Variants in SGIP1 observed in about 807,000 individuals in gnomAD.
The protein encoded by SGIP1 is SH3GL interacting endocytic adaptor 1.
Under a neutral mutation model 107.5 loss-of-function variants are expected in SGIP1, and 38 were observed. That is an observed-to-expected ratio of 0.35 (90% CI 0.27 to 0.46). SGIP1 has a LOEUF of 0.46. SGIP1 is among the 20% of genes least tolerant of loss of function. The pLI is 1.00. For synonymous variants in SGIP1, 365 were observed against 366.1 expected (o/e 1.00, Z 0.03); for missense variants, 929 against 1,019.5 (o/e 0.91, Z 1.21).
chr1:66,593,218 C>T (rs11810679), intron 1 of SGIP1, among the ~76,000 whole-genome samples: 7,739 of 152,004 alleles, frequency 0.051, 603 homozygotes, highest in African/African-American at 0.17. Flanking sequence ...TGGTTGTTTC[C>T]AAGTTTGGGC....
intron 1 of SGIP1, among the ~76,000 whole-genome samples, chr1:66,578,235 T>C (rs1018597673): frequency 2.9e-5 from 4 of 137,336 alleles, no homozygotes; most frequent in African/African-American, 8.9e-5. Context: ...CTGGAGATTC[T>C]GAGTCAGGAT....
At chr1:66,636,113 T>C in intron 4 of SGIP1, 98 bp downstream of exon 4, 2 of 1,169,166 alleles carry the variant, frequency 1.7e-6, no homozygotes, top group Non-Finnish European at 1.2e-6. Flanking sequence ...AGTTTTCATT[T>C]ACTCCATTTA....
At chr1:66,601,238 G>A (rs1405188392) in intron 1 of SGIP1, among the ~76,000 whole-genome samples, 4 of 151,974 alleles carry the variant, frequency 2.6e-5, no homozygotes, top group Non-Finnish European at 4.4e-5. Flanking sequence ...GGTGGCGGGC[G>A]CCTGTAGTCC....
chr1:66,642,595 A>T (rs1384831548), intron 5 of SGIP1, among the ~76,000 whole-genome samples: 2 of 152,088 alleles, frequency 1.3e-5, no homozygotes, highest in East Asian at 3.9e-4. Flanking sequence ...TTGACAGTTG[A>T]TTCCTCCTCG....
chr1:66,639,477 G>T (rs1370107190), intron 4 of SGIP1, among the ~76,000 whole-genome samples: 1 of 152,136 alleles, frequency 6.6e-6, no homozygotes, highest in African/African-American at 2.4e-5. Context: ...TACAATAAAG[G>T]TGCTGCTAAT....
At chr1:66,709,546 A>T (rs144103540) in intron 18 of SGIP1, among the ~76,000 whole-genome samples, 122 of 152,296 alleles carry the variant, frequency 8.0e-4, no homozygotes, top group African/African-American at 2.7e-3. Context: ...TAAATGATGC[A>T]TTATGTGTAA....
At position 66,747,142 on chromosome 1, in the gene SGIP1, C is replaced by T. The variant is rs1057265547; in HGVS notation, c.*4047C>T. On this transcript the variant is annotated 3_prime_UTR_variant, in exon 25 of 25. Transcript: ENST00000371037. Reference sequence around the variant, plus strand: ...GGAAACATGTATAATCAAGTTCATACAAGCTATACACAGTAGGCATCGATA... The same window carrying T: ...GGAAACATGTATAATCAAGTTCATATAAGCTATACACAGTAGGCATCGATA... 13 of 152,092 alleles carry T rather than the reference C, an allele frequency of 8.5e-5. No individual in the cohort carries two copies. The highest frequency in any genetic ancestry group is 3.1e-4 in the African/African-American group (13 of 41,454). 9.4% of individuals were successfully genotyped at this position (152,092 alleles called of 1,614,324 possible). A position where few individuals can be genotyped will look rare whatever the true frequency, so the allele number is the denominator to read the frequency against.
At chr1:66,612,554 A>G (rs1272771179) in intron 1 of SGIP1, among the ~76,000 whole-genome samples, 1 of 152,224 alleles carries the variant, frequency 6.6e-6, no homozygotes, top group Non-Finnish European at 1.5e-5. Context: ...CTCTCAACTA[A>G]AATGGTAATA....
intron 1 of SGIP1, among the ~76,000 whole-genome samples, chr1:66,613,433 A>T (rs2068474621): frequency 6.6e-6 from 1 of 152,132 alleles, no homozygotes; most frequent in Non-Finnish European, 1.5e-5. Context: ...GGGCTCAAGG[A>T]ATACTCCCAC....
At chr1:66,739,022 T>C (rs937852130) in intron 21 of SGIP1, among the ~76,000 whole-genome samples, 6 of 151,342 alleles carry the variant, frequency 4.0e-5, no homozygotes, top group Admixed American at 4.0e-4. Flanking sequence ...GTAAGTAGAG[T>C]TGCAGAATCA....
At chr1:66,677,338 C>T (rs1362581486) in intron 13 of SGIP1, among the ~76,000 whole-genome samples, 3 of 152,160 alleles carry the variant, frequency 2.0e-5, no homozygotes, top group Non-Finnish European at 2.9e-5. Context: ...TTTCTGAAAT[C>T]CCACATGCTT....
Position 66,689,368 on chromosome 1 carries a change from G to A in SGIP1, c.1443+93G>A, listed in dbSNP as rs908318046. ...TCAGGTCTAAGCGTTTAGAGAACTC[G>A]TACAAACAACCCTGACAGGTGGCAT... is the stretch of plus-strand genomic sequence containing the variant. On this transcript the variant is annotated intron_variant, in intron 16 of 24. Transcript: ENST00000371037. 3.3e-5 allele frequency: 49 copies of A among 1,467,760 alleles called. No homozygotes were observed. The Middle Eastern group carries it at 5.6e-4, about 17-fold the overall frequency. The allele number at this position is 1,467,760 out of a possible 1,614,324, so 90.9% of individuals were successfully genotyped here.
At chr1:66,550,512 T>G (rs2057246753) in intron 1 of SGIP1, among the ~76,000 whole-genome samples, 1 of 152,082 alleles carries the variant, frequency 6.6e-6, no homozygotes. Context: ...AGACTGAGAA[T>G]AACATTATCC....
intron 15 of SGIP1, among the ~76,000 whole-genome samples, chr1:66,685,045 T>C (rs1274570629): frequency 6.6e-6 from 1 of 152,238 alleles, no homozygotes; most frequent in Non-Finnish European, 1.5e-5. Flanking sequence ...TAATCTTTTA[T>C]TGGTGGAACA....
At chr1:66,635,347 T>C (rs2075572571) in intron 3 of SGIP1, among the ~76,000 whole-genome samples, 1 of 152,216 alleles carries the variant, frequency 6.6e-6, no homozygotes, top group Non-Finnish European at 1.5e-5. Context: ...CAAACTCTAA[T>C]TTATGCAGGG....
chr1:66,599,118 T>C (rs1332538613), intron 1 of SGIP1, among the ~76,000 whole-genome samples: 3 of 152,310 alleles, frequency 2.0e-5, no homozygotes, highest in East Asian at 3.9e-4. Context: ...TTTATGTGTA[T>C]TTTTTCAAAC....
chr1:66,721,931 T>A (rs1278942263), intron 19 of SGIP1, among the ~76,000 whole-genome samples: 1 of 152,062 alleles, frequency 6.6e-6, no homozygotes, highest in Non-Finnish European at 1.5e-5. Context: ...CTGCTCAAAA[T>A]CCTCCCATCT....
At chr1:66,559,816 G>C (rs544138258) in intron 1 of SGIP1, among the ~76,000 whole-genome samples, 5 of 152,032 alleles carry the variant, frequency 3.3e-5, no homozygotes, top group African/African-American at 1.2e-4. Context: ...TAGCCGGGGG[G>C]GTGGATGACT....
intron 1 of SGIP1, among the ~76,000 whole-genome samples, chr1:66,543,817 T>C (rs1174163794): frequency 1.3e-5 from 2 of 152,218 alleles, no homozygotes; most frequent in Non-Finnish European, 2.9e-5. Context: ...GCTGGCTACC[T>C]ACCTCGTAGA....
Sources: allele counts gnomAD v4.1 joint callset (sites outside exome capture counted in the v4.1 genomes callset), GRCh38; gene constraint gnomAD v4.1.1; transcripts MANE v1.5; gene names NCBI Gene and HGNC (gene_info 2026-07-23, HGNC 2026-07-21).